Variants in CSMD1 observed in about 807,000 individuals in gnomAD.
CSMD1 encodes CUB and Sushi multiple domains 1.
In CSMD1, 213 loss-of-function variants were observed where a neutral mutation model predicts 417.5. The ratio of observed to expected loss-of-function variants is 0.51; its 90% CI spans 0.46 to 0.57. CSMD1 has a LOEUF of 0.57. Ranked by LOEUF, CSMD1 falls within the 20% of genes least tolerant of loss-of-function variation. The probability of loss-of-function intolerance (pLI) is 0.00; values close to 1 mark genes in which losing one functional copy is unlikely to be tolerated. For synonymous variants in CSMD1, 2,862 were observed against 1,736.8 expected (o/e 1.65, Z -16.11); for missense variants, 6,923 against 4,529.7 (o/e 1.53, Z -15.17).
intron 2 of CSMD1, among the ~76,000 whole-genome samples, chr8:4,450,143 A>T (rs543869662): frequency 6.6e-6 from 1 of 152,254 alleles, no homozygotes; most frequent in African/African-American, 2.4e-5. Flanking sequence ...TTTCCAAATT[A>T]CAACCCCAAA....
intron 7 of CSMD1, among the ~76,000 whole-genome samples, chr8:3,663,682 T>A (rs1798536953): frequency 6.6e-6 from 1 of 152,188 alleles, no homozygotes; most frequent in African/African-American, 2.4e-5. Context: ...ACCTATGAAC[T>A]GGAAACCCCT....
chr8:3,165,255 C>T (rs1270095394), intron 37 of CSMD1, among the ~76,000 whole-genome samples: 1 of 151,896 alleles, frequency 6.6e-6, no homozygotes, highest in East Asian at 1.9e-4. Context: ...ATTATTTAAA[C>T]CTGCTACTAT....
intron 1 of CSMD1, among the ~76,000 whole-genome samples, chr8:4,918,898 G>T (rs1176900535): frequency 1.3e-5 from 2 of 152,014 alleles, no homozygotes; most frequent in Non-Finnish European, 2.9e-5. Flanking sequence ...TTAAATAAGT[G>T]AGTTTTAAAA....
intron 5 of CSMD1, among the ~76,000 whole-genome samples, chr8:3,800,935 C>A (rs1800420233): frequency 6.6e-6 from 1 of 152,006 alleles, no homozygotes; most frequent in South Asian, 2.1e-4. Context: ...TATAATTTAT[C>A]CAGCCCCAAA....
At chr8:3,338,543 G>C (rs1016383669) in intron 23 of CSMD1, among the ~76,000 whole-genome samples, 17 of 152,146 alleles carry the variant, frequency 1.1e-4, no homozygotes, top group African/African-American at 4.1e-4. Context: ...AGAAAGAATT[G>C]TGAATGTCCC....
intron 1 of CSMD1, among the ~76,000 whole-genome samples, chr8:4,759,705 G>C (rs1811911717): frequency 6.6e-6 from 1 of 152,088 alleles, no homozygotes; most frequent in Non-Finnish European, 1.5e-5. Flanking sequence ...GAGAATAATG[G>C]CTTCCAGCTC....
chr8:3,793,199 T>C (rs943664261), intron 5 of CSMD1, among the ~76,000 whole-genome samples: 3 of 152,166 alleles, frequency 2.0e-5, no homozygotes, highest in African/African-American at 7.2e-5. Context: ...TGTTTAGCAA[T>C]TTTTCTCTCA....
At chr8:3,316,766 C>A (rs1292996407) in intron 23 of CSMD1, among the ~76,000 whole-genome samples, 1 of 152,038 alleles carries the variant, frequency 6.6e-6, no homozygotes, top group Non-Finnish European at 1.5e-5. Flanking sequence ...GCTGCAGCAC[C>A]AAGGAGTGGA....
intron 58 of CSMD1, 65 bp from the exon 59 acceptor site, chr8:2,966,019 T>C: frequency 7.1e-7 from 1 of 1,401,394 alleles, no homozygotes; most frequent in Non-Finnish European, 9.9e-7. Flanking sequence ...TTAGTCACCA[T>C]TTCTATTCAA....
At chr8:4,925,063 G>C (rs931644212) in intron 1 of CSMD1, among the ~76,000 whole-genome samples, 1 of 152,014 alleles carries the variant, frequency 6.6e-6, no homozygotes, top group Non-Finnish European at 1.5e-5. Context: ...AAATAGTTTG[G>C]GTTGTTATCA....
At chr8:3,567,920 G>A (rs924952142) in intron 10 of CSMD1, among the ~76,000 whole-genome samples, 3 of 152,094 alleles carry the variant, frequency 2.0e-5, no homozygotes, top group African/African-American at 7.2e-5. Context: ...ACACACATGT[G>A]TTGACATCCC....
At chr8:3,656,418 A>G (rs996954839) in intron 7 of CSMD1, among the ~76,000 whole-genome samples, 1 of 152,136 alleles carries the variant, frequency 6.6e-6, no homozygotes, top group Admixed American at 6.5e-5. Context: ...CATCACCTAT[A>G]CACAGCATTT....
chr8:3,531,215 A>C lies in CSMD1; in HGVS notation c.1345-37489T>G, dbSNP rs183406810. ...TCTGGAGATTCACCTAATTTAAAAC[A>C]ACCTAAAATAACTTTTCAGGTCCCT... is the stretch of plus-strand genomic sequence containing the variant. On this transcript the variant is annotated intron_variant, in intron 10 of 69. Transcript: ENST00000635120. Among the ~76,000 whole-genome samples, 3 of 152,276 alleles carry C rather than the reference A, an allele frequency of 2.0e-5. No individual in the cohort carries two copies. In the East Asian group the frequency reaches 5.8e-4, roughly 29 times the overall value.
chr8:4,348,224 A>G (rs954141910), intron 3 of CSMD1, among the ~76,000 whole-genome samples: 7 of 152,088 alleles, frequency 4.6e-5, no homozygotes, highest in Non-Finnish European at 1.0e-4. Flanking sequence ...AGAAATTCAC[A>G]ATGCATACTA....
At chr8:4,481,941 C>T (rs972371295) in intron 2 of CSMD1, among the ~76,000 whole-genome samples, 1 of 152,066 alleles carries the variant, frequency 6.6e-6, no homozygotes, top group Non-Finnish European at 1.5e-5. Context: ...ATGCAGAAGC[C>T]TGGCTTTATG....
At position 4,019,202 on chromosome 8, in the gene CSMD1, C is replaced by G. The variant is rs1424459191; in HGVS notation, c.610+12703G>C. Among the ~76,000 whole-genome samples, 4 of 152,114 alleles carry G rather than the reference C, an allele frequency of 2.6e-5. No individual in the cohort carries two copies. In the East Asian group the frequency reaches 5.8e-4, roughly 22 times the overall value. On this transcript the variant is annotated intron_variant, in intron 4 of 69. Coordinates refer to ENST00000635120, the MANE Select transcript of CSMD1 (RefSeq NM_033225.6). Reference sequence around the variant, plus strand: ...CAGTCCAAGACAGGTTTATTATGGACAATAAACCTGAGAGAGGCTCCTGGC... The same window carrying G: ...CAGTCCAAGACAGGTTTATTATGGAGAATAAACCTGAGAGAGGCTCCTGGC...
In CSMD1 at chr8:4,346,187, C is replaced by G. The variant is rs543676460; in HGVS notation, c.415+73766G>C. Among the ~76,000 whole-genome samples, 6 of 152,198 alleles carry G rather than the reference C, an allele frequency of 3.9e-5. No homozygotes were observed. The East Asian group carries it at 1.2e-3, about 29-fold the overall frequency. On this transcript the variant is annotated intron_variant, in intron 3 of 69. Coordinates refer to ENST00000635120, the MANE Select transcript of CSMD1 (RefSeq NM_033225.6). Reference sequence around the variant, plus strand: ...ATGGTTAACAATCAAATATGGCCTGCTAATTTATCTGGACAGCTCATTTGC... The same window carrying G: ...ATGGTTAACAATCAAATATGGCCTGGTAATTTATCTGGACAGCTCATTTGC...
chr8:4,320,494 G>T (rs1472630030), intron 3 of CSMD1, among the ~76,000 whole-genome samples: 1 of 152,094 alleles, frequency 6.6e-6, no homozygotes, highest in African/African-American at 2.4e-5. Flanking sequence ...TTTTCCTAAT[G>T]CTATTCCTCC....
chr8:3,668,677 G>T lies in CSMD1; in HGVS notation c.1009+39737C>A, dbSNP rs1389020600. On this transcript the variant is annotated intron_variant, in intron 7 of 69. Coordinates refer to ENST00000635120, the MANE Select transcript of CSMD1 (RefSeq NM_033225.6). ...AGAAGCTCAGTCTGAGGTGTCCAGA[G>T]ATCAACCAGGAGTCGAAGTCTAGAC... Among the ~76,000 whole-genome samples the T allele has an allele frequency of 3.3e-5, 5 of 152,246 alleles. No homozygotes were observed. The South Asian group carries it at 1.0e-3, about 32-fold the overall frequency.
Sources: allele counts gnomAD v4.1 joint callset (sites outside exome capture counted in the v4.1 genomes callset), GRCh38; gene constraint gnomAD v4.1.1; transcripts MANE v1.5; gene names NCBI Gene and HGNC (gene_info 2026-07-23, HGNC 2026-07-21).